Variants in PAX5 observed in about 807,000 individuals in gnomAD.
The protein encoded by PAX5 is paired box protein Pax-5.
In PAX5, 9 loss-of-function variants were observed where a neutral mutation model predicts 43.7. The ratio of observed to expected loss-of-function variants is 0.21; its 90% CI spans 0.12 to 0.36. The LOEUF (loss-of-function observed/expected upper bound fraction) is 0.36, where lower values mean the gene tolerates loss of function less well. Among genes scored for constraint, PAX5 ranks in the 10% least tolerant of loss-of-function variants. PAX5 has a pLI of 1.00. For missense variants in PAX5, 383 were observed against 532.7 expected, an observed-to-expected ratio of 0.72 and a Z score of 2.77; for synonymous variants, 228 against 214.3, an observed-to-expected ratio of 1.06 and a Z score of -0.56.
chr9:36,883,272 C>T (rs1038805529), intron 7 of PAX5, among the ~76,000 whole-genome samples: 1 of 152,146 alleles, frequency 6.6e-6, no homozygotes, highest in African/African-American at 2.4e-5. Flanking sequence ...ACCTTGAACC[C>T]TAAAGCAAAT....
intron 6 of PAX5, among the ~76,000 whole-genome samples, chr9:36,956,655 A>G (rs1212124103): frequency 6.6e-6 from 1 of 152,192 alleles, no homozygotes; most frequent in Non-Finnish European, 1.5e-5. Context: ...GGTTCACAGG[A>G]AGACAAAGAC....
intron 8 of PAX5, among the ~76,000 whole-genome samples, chr9:36,870,273 C>T (rs565707840): frequency 2.0e-5 from 3 of 152,278 alleles, no homozygotes; most frequent in Admixed American, 6.5e-5. Context: ...TTCTAGGACA[C>T]GGAGGCCCCT....
intron 5 of PAX5, among the ~76,000 whole-genome samples, chr9:36,977,601 G>A (rs1175569109): frequency 3.3e-5 from 5 of 152,128 alleles, no homozygotes; most frequent in Non-Finnish European, 1.5e-5. Flanking sequence ...CACCATCTTG[G>A]TTCACTGCAA....
chr9:36,854,805 C>T (rs923921042), intron 8 of PAX5, among the ~76,000 whole-genome samples: 2 of 152,212 alleles, frequency 1.3e-5, no homozygotes, highest in Non-Finnish European at 1.5e-5. Flanking sequence ...CCACGAGGGC[C>T]TTCAGAAAAA....
At chr9:36,975,730 T>C (rs1284597003) in intron 5 of PAX5, among the ~76,000 whole-genome samples, 8 of 152,200 alleles carry the variant, frequency 5.3e-5, no homozygotes, top group African/African-American at 1.9e-4. Flanking sequence ...TTCTTATCTG[T>C]AGAGTGGGAT....
At chr9:37,019,144 T>C (rs769697606) in intron 2 of PAX5, among the ~76,000 whole-genome samples, 13 of 152,194 alleles carry the variant, frequency 8.5e-5, no homozygotes, top group Non-Finnish European at 1.2e-4. Context: ...CTCTTTCTCC[T>C]GTCTTGTCAT....
intron 7 of PAX5, among the ~76,000 whole-genome samples, chr9:36,904,122 A>C (rs145695732): frequency 3.5e-4 from 54 of 152,344 alleles, no homozygotes; most frequent in African/African-American, 1.3e-3. Context: ...AGATTAGACA[A>C]GCTATTAATA....
intron 8 of PAX5, among the ~76,000 whole-genome samples, chr9:36,847,639 G>A (rs1822719614): frequency 6.6e-6 from 1 of 152,232 alleles, no homozygotes; most frequent in Non-Finnish European, 1.5e-5. Context: ...GCTGTTGGCA[G>A]CTGTGGGCGT....
At position 36,838,851 on chromosome 9, in the gene PAX5, G is replaced by A. The variant is rs963633429; in HGVS notation, c.*1709C>T. The A allele has an allele frequency of 2.6e-5, 6 of 233,166 alleles. No individual in the cohort carries two copies. In the East Asian group the frequency reaches 3.6e-4, roughly 14 times the overall value. The allele number at this position is 233,166 out of a possible 1,614,324, so 14.4% of individuals were successfully genotyped here. ...AAGGCTCAAAGAGGTGCAGGGTTTTGTCTGAGGTCCCACAGCAAAGACATG... is the reference window on the plus strand; with the variant it reads ...AAGGCTCAAAGAGGTGCAGGGTTTTATCTGAGGTCCCACAGCAAAGACATG... On this transcript the variant is annotated 3_prime_UTR_variant, in exon 10 of 10. Transcript: ENST00000358127.
intron 5 of PAX5, among the ~76,000 whole-genome samples, chr9:36,984,597 C>T (rs543973490): frequency 7.2e-5 from 11 of 151,904 alleles, no homozygotes; most frequent in South Asian, 2.1e-4. Context: ...CACACAACCA[C>T]GCCAGGCTAA....
Position 37,034,137 on chromosome 9 carries a change from G to A in PAX5, c.-106C>T. 1.5e-6 allele frequency: 1 copy of A among 650,348 alleles called. No individual in the cohort carries two copies. Among genetic ancestry groups the A allele is most frequent in the East Asian group, 3.1e-5 (1 of 32,756 alleles). The allele number at this position is 650,348 out of a possible 1,614,324, so 40.3% of individuals were successfully genotyped here. ...TTTTTTTTTTTTTTTGGTGCCAGGG[G>A]CCGCTCACAGGTCGGAATAATTCAA... On this transcript the variant is annotated 5_prime_UTR_variant, in exon 1 of 10. Coordinates refer to ENST00000358127, the MANE Select transcript of PAX5 (RefSeq NM_016734.3).
At chr9:36,916,841 T>C (rs1043467315) in intron 7 of PAX5, among the ~76,000 whole-genome samples, 4 of 152,042 alleles carry the variant, frequency 2.6e-5, no homozygotes, top group African/African-American at 9.7e-5. Flanking sequence ...TGCACAACCA[T>C]GCCTGGCTAA....
At chr9:36,997,475 C>A (rs1285658526) in intron 5 of PAX5, among the ~76,000 whole-genome samples, 4 of 152,178 alleles carry the variant, frequency 2.6e-5, no homozygotes, top group Non-Finnish European at 5.9e-5. Context: ...CACTAGAGAT[C>A]AAAAGCCCAG....
At chr9:37,033,934 G>A (rs1841266535) in intron 1 of PAX5, 52 bp downstream of exon 1, 6 of 1,586,718 alleles carry the variant, frequency 3.8e-6, no homozygotes, top group Admixed American at 3.3e-5. Context: ...GGGGACCAAG[G>A]CCTGGCCGTG....
intron 9 of PAX5, among the ~76,000 whole-genome samples, chr9:36,840,852 G>A (rs969947580): frequency 4.6e-5 from 7 of 152,206 alleles, no homozygotes; most frequent in African/African-American, 7.2e-5. Flanking sequence ...GCTGGGGTCC[G>A]GAGCCTGGGG....
chr9:36,885,586 G>T (rs3780141), intron 7 of PAX5, among the ~76,000 whole-genome samples: 1 of 152,130 alleles, frequency 6.6e-6, no homozygotes, highest in Non-Finnish European at 1.5e-5. Context: ...CTTGCTCACA[G>T]TCACACAGCT....
At chr9:36,989,899 C>A (rs1294611936) in intron 5 of PAX5, among the ~76,000 whole-genome samples, 1 of 152,196 alleles carries the variant, frequency 6.6e-6, no homozygotes, top group Non-Finnish European at 1.5e-5. Flanking sequence ...GGTGACTGCT[C>A]CAGACACAGT....
chr9:36,930,770 G>C, intron 6 of PAX5: 1 of 1,120,074 alleles, frequency 8.9e-7, no homozygotes, highest in Non-Finnish European at 1.2e-6. Context: ...TAAGGAGAGG[G>C]ACACCACTTT....
chr9:36,998,388 A>C (rs998913177), intron 5 of PAX5, among the ~76,000 whole-genome samples: 15 of 152,232 alleles, frequency 9.9e-5, no homozygotes, highest in Admixed American at 3.9e-4. Context: ...GGAGCTTTCT[A>C]TGGAAGCCCA....
Sources: allele counts gnomAD v4.1 joint callset (sites outside exome capture counted in the v4.1 genomes callset), GRCh38; gene constraint gnomAD v4.1.1; transcripts MANE v1.5; gene names NCBI Gene and HGNC (gene_info 2026-07-23, HGNC 2026-07-21).